Variants in ADI1 observed in about 807,000 individuals in gnomAD.
The protein encoded by ADI1 is acireductone dioxygenase.
ADI1 carries 21 observed loss-of-function variants against 18.7 expected under a neutral mutation model. The observed-to-expected ratio is 1.13, with a 90% CI of 0.80 to 1.62. ADI1 has a LOEUF of 1.62. ADI1 is among the 40% of genes most tolerant of loss of function. The pLI is 0.00. For synonymous variants in ADI1, 90 were observed against 100.1 expected (o/e 0.90, Z 0.60); for missense variants, 245 against 254.9 (o/e 0.96, Z 0.26).
chr2:3,519,063 G>A (rs539822339), intron 1 of ADI1, among the ~76,000 whole-genome samples: 93 of 149,132 alleles, frequency 6.2e-4, no homozygotes, highest in Admixed American at 1.7e-3. Flanking sequence ...AAACTTCGCT[G>A]CTGAGCATGC....
intron 1 of ADI1, chr2:3,516,698 T>A: frequency 8.2e-6 from 8 of 979,858 alleles, no homozygotes; most frequent in Non-Finnish European, 9.7e-6. Context: ...GCTATTTTTG[T>A]CATTTTGTTA....
At chr2:3,511,951 T>C (rs1667302866) in intron 2 of ADI1, among the ~76,000 whole-genome samples, 1 of 152,180 alleles carries the variant, frequency 6.6e-6, no homozygotes, top group Non-Finnish European at 1.5e-5. Flanking sequence ...AGTTTGAACT[T>C]GAGAGTGATG....
rs768226999 is a variant in ADI1, at chr2:3,513,897, A to G, written c.200T>C (p.Ile67Thr). ...TGGTAGTTTATCTTTGCATATGGTT[A>G]TGATGTCCATCCAGGAGTAGTTCCT... Reference protein sequence around the residue: ...RERNYSWMDIITICKDKLPNY... With the variant: ...RERNYSWMDITTICKDKLPNY... The change falls in exon 2 of 4, where the codon ATA becomes ACA. Residue 67 changes from isoleucine (I) to threonine (T), a missense_variant. Physicochemically the swap from Ile to Thr is moderately conservative, Grantham distance 89. Transcript: ENST00000327435. The G allele has an allele frequency of 3.7e-6, 6 of 1,610,912 alleles. No individual in the cohort carries two copies. The highest frequency in any genetic ancestry group is 2.7e-5 in the African/African-American group (2 of 74,840).
intron 1 of ADI1, among the ~76,000 whole-genome samples, chr2:3,518,445 A>C (rs1315303369): frequency 6.6e-6 from 1 of 152,224 alleles, no homozygotes; most frequent in Non-Finnish European, 1.5e-5. Context: ...TGTTACTGCA[A>C]AACCATTTGC....
rs567744356 is a variant in ADI1 at position 3,508,982 on chromosome 2, C to T, written c.240+4875G>A. ...GGGGAGGAGAGGAGGGGAGAGAGGG[C>T]GGAAGGAAGGAAAGAAGGAAGGAAG... On this transcript the variant is annotated intron_variant, in intron 2 of 3. Coordinates refer to ENST00000327435, the MANE Select transcript of ADI1 (RefSeq NM_018269.4). Among the ~76,000 whole-genome samples, 9 of 105,466 alleles carry T rather than the reference C, an allele frequency of 8.5e-5. No homozygotes were observed. The South Asian group carries it at 1.4e-3, about 17-fold the overall frequency. The allele number at this position is 105,466 out of a possible 152,430, so 69.2% of individuals were successfully genotyped here.
At chr2:3,511,962 C>T (rs1159181041) in intron 2 of ADI1, among the ~76,000 whole-genome samples, 5 of 152,188 alleles carry the variant, frequency 3.3e-5, no homozygotes, top group African/African-American at 1.2e-4. Flanking sequence ...GAGAGTGATG[C>T]CTAGGGTATA....
intron 3 of ADI1, 55 bp from the exon 4 acceptor site, chr2:3,499,137 TAG>T: frequency 6.5e-7 from 1 of 1,539,478 alleles, no homozygotes; most frequent in Non-Finnish European, 8.7e-7. Flanking sequence ...GCCTTCTACT[TAG>T]TATTTATTAA....
At chr2:3,508,937 G>A (rs1269494150) in intron 2 of ADI1, among the ~76,000 whole-genome samples, 1 of 148,402 alleles carries the variant, frequency 6.7e-6, no homozygotes, top group Non-Finnish European at 1.5e-5. Context: ...GGAAGGGGAA[G>A]GGGAGAAAAG....
At chr2:3,511,315 C>T (rs1667290043) in intron 2 of ADI1, among the ~76,000 whole-genome samples, 1 of 150,590 alleles carries the variant, frequency 6.6e-6, no homozygotes, top group East Asian at 1.9e-4. Flanking sequence ...GCCTGAAGAA[C>T]TGAGATGCAA....
chr2:3,502,832 G>A (rs1667055020), intron 2 of ADI1, among the ~76,000 whole-genome samples: 2 of 152,168 alleles, frequency 1.3e-5, no homozygotes, highest in African/African-American at 4.8e-5. Flanking sequence ...AGCTTAGGTT[G>A]CACTCAGTAG....
chr2:3,519,177 C>A (rs1667500897), intron 1 of ADI1, 191 bp downstream of exon 1: 1 of 801,354 alleles, frequency 1.2e-6, no homozygotes, highest in Non-Finnish European at 1.7e-6. Flanking sequence ...GACCACCCAG[C>A]CCCACTGCTG....
At chr2:3,500,741 G>C (rs761323151) in intron 3 of ADI1, 73 bp downstream of exon 3, 12 of 1,596,972 alleles carry the variant, frequency 7.5e-6, no homozygotes, top group Non-Finnish European at 1.0e-5. Context: ...AAGCCGCGCA[G>C]TTCAGCGGCA....
At chr2:3,505,817 C>T (rs941639756) in intron 2 of ADI1, among the ~76,000 whole-genome samples, 3 of 152,112 alleles carry the variant, frequency 2.0e-5, no homozygotes, top group Non-Finnish European at 2.9e-5. Context: ...GATTAGATAA[C>T]GTGATGAGGG....
chr2:3,516,147 G>T, intron 1 of ADI1: 1 of 721,660 alleles, frequency 1.4e-6, no homozygotes, highest in Non-Finnish European at 1.7e-6. Context: ...ATGTGATTAA[G>T]TCATGAGGGC....
rs1235737924 is a variant in ADI1, at chr2:3,519,484, C to G, written c.4G>C (p.Val2Leu). 1.5e-5 allele frequency: 19 copies of G among 1,299,946 alleles called. No individual in the cohort carries two copies. The highest frequency in any genetic ancestry group is 1.9e-5 in the Non-Finnish European group (19 of 1,021,804). 80.5% of individuals were successfully genotyped at this position (1,299,946 alleles called of 1,614,324 possible). Residue 2 changes from valine to leucine, a missense_variant, in exon 1 of 4, where the codon GTG becomes CTG. By Grantham distance (32) the Val-to-Leu change is conservative. Transcript: ENST00000327435. ...GCGTCGTCCATATACCAGGCCTGCA[C>G]CATGACGCGCAGTGCGGGTGCCGTG... is the stretch of plus-strand genomic sequence containing the variant. Reference protein sequence around the residue: MVQAWYMDDAPG... With the variant: MLQAWYMDDAPG...
intron 2 of ADI1, among the ~76,000 whole-genome samples, chr2:3,502,001 C>CCACACACACA (rs70938947): frequency 1.9e-5 from 2 of 105,038 alleles, no homozygotes; most frequent in Admixed American, 8.4e-5. Flanking sequence ...ACCTCCCGCT[C>CCACACACACA]CACACACACA....
intron 2 of ADI1, among the ~76,000 whole-genome samples, chr2:3,505,002 T>C (rs1426035101): frequency 7.2e-5 from 11 of 152,074 alleles, no homozygotes; most frequent in African/African-American, 1.9e-4. Flanking sequence ...CTGTGTATGT[T>C]TGTATTGTTG....
chr2:3,500,927 C>T lies in ADI1; in HGVS notation c.307G>A (p.Gly103Arg). ...TCCTTGTCCCTCACATCGAAGTACC[C>T]ACTGCCATCCAGGATGTAGCGGATC... ...DEIRYILDGS[G>R]YFDVRDKEDQ... Residue 103 changes from glycine (G) to arginine (R), a missense_variant, in exon 3 of 4, where the codon GGG (glycine) becomes AGG (arginine). Physicochemically the swap from Gly to Arg is moderately radical, Grantham distance 125. Coordinates refer to ENST00000327435, the MANE Select transcript of ADI1 (RefSeq NM_018269.4). The T allele has an allele frequency of 6.2e-7, 1 of 1,614,146 alleles. No individual in the cohort carries two copies. The highest frequency in any genetic ancestry group is 8.5e-7 in the Non-Finnish European group (1 of 1,179,992).
At position 3,502,775 on chromosome 2, in the gene ADI1, AT is replaced by A. The variant is rs140001154; in HGVS notation, c.241-1783del. The stretch of plus-strand genomic sequence containing the variant: ...ACAAACGGAAATAACTCTTGAACAT[AT>A]TATTTTGACTACATCCTCAGGCTAA... On this transcript the variant is annotated intron_variant, in intron 2 of 3. Transcript: ENST00000327435. Among the ~76,000 whole-genome samples the A allele has an allele frequency of 5.9e-5, 9 of 152,258 alleles. No homozygotes were observed. In the East Asian group the frequency reaches 1.7e-3, roughly 29 times the overall value.
Sources: gnomAD v4.1 joint callset for allele counts (sites outside exome capture counted in the v4.1 genomes callset) on GRCh38, gnomAD v4.1.1 for gene constraint, MANE v1.5 for transcripts, NCBI Gene and HGNC (gene_info 2026-07-23, HGNC 2026-07-21) for gene names.